Variants in CLSTN2 observed in about 807,000 individuals in gnomAD.
CLSTN2 encodes the protein calsyntenin-2.
A neutral mutation model predicts 101.2 loss-of-function variants in CLSTN2; 48 were observed. The ratio of observed to expected loss-of-function variants is 0.47; its 90% confidence interval spans 0.38 to 0.60. CLSTN2 has a LOEUF of 0.60. Among genes scored for constraint, CLSTN2 ranks in the 20% least tolerant of loss-of-function variants. CLSTN2 has a pLI of 0.00. For missense variants in CLSTN2, 1,160 were observed against 1,238.2 expected (o/e 0.94, Z 0.95); for synonymous variants, 481 against 463.6 (o/e 1.04, Z -0.48).
intron 8 of CLSTN2, among the ~76,000 whole-genome samples, chr3:140,524,696 A>G (rs1172033023): frequency 6.6e-6 from 1 of 152,196 alleles, no homozygotes; most frequent in Non-Finnish European, 1.5e-5. Context: ...CTCAGTCATA[A>G]AGCAAGTCTC....
At chr3:140,002,664 C>T (rs927183434) in intron 1 of CLSTN2, among the ~76,000 whole-genome samples, 30 of 152,184 alleles carry the variant, frequency 2.0e-4, no homozygotes, top group African/African-American at 7.0e-4. Flanking sequence ...GTTTCCCCAA[C>T]GTTTTCTTGT....
intron 2 of CLSTN2, among the ~76,000 whole-genome samples, chr3:140,385,606 T>C (rs2088043160): frequency 6.6e-6 from 1 of 152,000 alleles, no homozygotes; most frequent in African/African-American, 2.4e-5. Flanking sequence ...CTTGATCTCC[T>C]GACTTCATGA....
chr3:140,135,466 T>A (rs528874103), intron 1 of CLSTN2, among the ~76,000 whole-genome samples: 34 of 152,272 alleles, frequency 2.2e-4, no homozygotes, highest in Admixed American at 9.2e-4. Flanking sequence ...GTCATTTCTG[T>A]TGTGTTTATA....
intron 4 of CLSTN2, among the ~76,000 whole-genome samples, chr3:140,411,502 T>A (rs1323809670): frequency 6.6e-6 from 1 of 152,172 alleles, no homozygotes; most frequent in Non-Finnish European, 1.5e-5. Flanking sequence ...CAACAATGGA[T>A]AGAGTATCAA....
At chr3:140,305,815 G>A (rs1297674132) in intron 2 of CLSTN2, among the ~76,000 whole-genome samples, 2 of 152,030 alleles carry the variant, frequency 1.3e-5, no homozygotes, top group Non-Finnish European at 2.9e-5. Context: ...TCATGAATAT[G>A]GGTTTTTTTT....
At chr3:140,007,347 G>C (rs1459212652) in intron 1 of CLSTN2, among the ~76,000 whole-genome samples, 1 of 152,198 alleles carries the variant, frequency 6.6e-6, no homozygotes, top group Non-Finnish European at 1.5e-5. Flanking sequence ...AGGGCCTGGG[G>C]GTCAGGAGAG....
intron 2 of CLSTN2, among the ~76,000 whole-genome samples, chr3:140,380,808 A>G (rs536825707): frequency 1.3e-5 from 2 of 152,340 alleles, no homozygotes; most frequent in South Asian, 4.1e-4. Flanking sequence ...TGAACTGTGC[A>G]TTCCTTCTGG....
intron 1 of CLSTN2, among the ~76,000 whole-genome samples, chr3:140,024,988 G>T (rs1009537670): frequency 1.3e-5 from 2 of 152,164 alleles, no homozygotes; most frequent in Non-Finnish European, 2.9e-5. Context: ...ACTAGACCAA[G>T]AATTTTGAGC....
intron 1 of CLSTN2, among the ~76,000 whole-genome samples, chr3:139,957,908 G>A (rs952320356): frequency 2.0e-5 from 3 of 152,292 alleles, no homozygotes; most frequent in South Asian, 2.1e-4. Flanking sequence ...TCTCAGAATC[G>A]CCGGGCGATC....
chr3:140,366,907 C>T (rs1467115159), intron 2 of CLSTN2, among the ~76,000 whole-genome samples: 1 of 152,114 alleles, frequency 6.6e-6, no homozygotes, highest in African/African-American at 2.4e-5. Flanking sequence ...TATCAGCCAA[C>T]CCAGGGTAGA....
intron 2 of CLSTN2, among the ~76,000 whole-genome samples, chr3:140,360,837 T>G (rs977797061): frequency 1.3e-5 from 2 of 152,126 alleles, no homozygotes; most frequent in African/African-American, 2.4e-5. Flanking sequence ...TAGACTTCAA[T>G]AAGCAGACAA....
chr3:140,244,997 G>A (rs998379206), intron 2 of CLSTN2, among the ~76,000 whole-genome samples: 1 of 152,216 alleles, frequency 6.6e-6, no homozygotes, highest in Non-Finnish European at 1.5e-5. Context: ...GGAAGTGGAG[G>A]TGTGCACAGT....
chr3:140,437,327 C>T (rs538522711), intron 5 of CLSTN2, among the ~76,000 whole-genome samples: 29 of 152,226 alleles, frequency 1.9e-4, no homozygotes, highest in African/African-American at 5.5e-4. Flanking sequence ...GGATTACAGG[C>T]GTGAGCCACC....
chr3:139,971,963 C>T (rs1382202999), intron 1 of CLSTN2, among the ~76,000 whole-genome samples: 1 of 152,040 alleles, frequency 6.6e-6, no homozygotes, highest in African/African-American at 2.4e-5. Context: ...TGCAGAGGCT[C>T]CTTAAAAGAA....
intron 2 of CLSTN2, among the ~76,000 whole-genome samples, chr3:140,216,062 C>T (rs368860004): frequency 6.6e-5 from 10 of 152,118 alleles, no homozygotes; most frequent in African/African-American, 2.4e-4. Flanking sequence ...ATCGCCTGAG[C>T]GCCACTTCCT....
At chr3:140,132,344 G>A (rs889768620) in intron 1 of CLSTN2, among the ~76,000 whole-genome samples, 1 of 152,132 alleles carries the variant, frequency 6.6e-6, no homozygotes, top group Non-Finnish European at 1.5e-5. Flanking sequence ...GCTAATGCAA[G>A]TAACCTCACT....
intron 2 of CLSTN2, among the ~76,000 whole-genome samples, chr3:140,192,148 T>G (rs2010575258): frequency 6.6e-6 from 1 of 151,950 alleles, no homozygotes; most frequent in South Asian, 2.1e-4. Context: ...ATCTCTCTAT[T>G]ATTGATTTCT....
intron 2 of CLSTN2, among the ~76,000 whole-genome samples, chr3:140,324,163 G>T (rs2087310796): frequency 6.6e-6 from 1 of 152,194 alleles, no homozygotes; most frequent in African/African-American, 2.4e-5. Context: ...TCACTGAAGT[G>T]TTACTACTAA....
chr3:140,118,744 C>G (rs2009287171), intron 1 of CLSTN2, among the ~76,000 whole-genome samples: 1 of 152,136 alleles, frequency 6.6e-6, no homozygotes, highest in Non-Finnish European at 1.5e-5. Flanking sequence ...GTTATTTAAC[C>G]TCTTCAAGAC....
Sources: allele counts gnomAD v4.1 joint callset (sites outside exome capture counted in the v4.1 genomes callset), GRCh38; gene constraint gnomAD v4.1.1; transcripts MANE v1.5; gene names NCBI Gene and HGNC (gene_info 2026-07-23, HGNC 2026-07-21).